ZNF680: variants seen among roughly 807,000 people sequenced by gnomAD.
ZNF680 encodes zinc finger protein 680, also known as hypothetical protein FLJ90430.
ZNF680 carries 6 observed loss-of-function variants against 12.1 expected under a neutral mutation model. That is an observed-to-expected ratio of 0.49 (90% CI 0.27 to 0.98). The LOEUF is 0.98. Among genes scored for constraint, ZNF680 ranks in the 50% least tolerant of loss-of-function variants. ZNF680 has a pLI of 0.12. For synonymous variants in ZNF680, 170 were observed against 199.3 expected (o/e 0.85, Z 1.24); for missense variants, 561 against 616.3 (o/e 0.91, Z 0.95).
the ZNF680 span, among the ~76,000 whole-genome samples, chr7:64,508,803 C>A: frequency 6.6e-6 from 1 of 152,114 alleles, no homozygotes; most frequent in Non-Finnish European, 1.5e-5. Flanking sequence ...GCCTCCTATC[C>A]CTTCTTTGTA....
At chr7:64,555,510 G>A (rs1787361493) in intron 1 of ZNF680, among the ~76,000 whole-genome samples, 1 of 151,914 alleles carries the variant, frequency 6.6e-6, no homozygotes, top group South Asian at 2.1e-4. Flanking sequence ...CTAAGGCAGT[G>A]TTAAAGAGAA....
chr7:64,526,312 T>G, intron 3 of ZNF680: 1 of 1,183,546 alleles, frequency 8.4e-7, no homozygotes, highest in South Asian at 4.1e-5. Flanking sequence ...TTAGTGTACT[T>G]TAAAAACAGA....
At chr7:64,512,327 C>A in the ZNF680 span, among the ~76,000 whole-genome samples, 40 of 151,418 alleles carry the variant, frequency 2.6e-4, no homozygotes, top group Admixed American at 1.6e-3. Flanking sequence ...GTGGCGTGCG[C>A]CTGTAGTCCC....
the ZNF680 span, among the ~76,000 whole-genome samples, chr7:64,508,123 G>GTATGTGTATATATATATATATATA: frequency 8.5e-6 from 1 of 117,686 alleles, no homozygotes; most frequent in African/African-American, 4.2e-5. Flanking sequence ...ATTTTAAAAT[G>GTATGTGTATATATATATATATATA]TATATATATA....
At chr7:64,510,333 T>C in the ZNF680 span, among the ~76,000 whole-genome samples, 1 of 151,258 alleles carries the variant, frequency 6.6e-6, no homozygotes, top group East Asian at 2.0e-4. Context: ...AAAAACCAAA[T>C]AACGCACCCC....
the ZNF680 span, among the ~76,000 whole-genome samples, chr7:64,513,473 A>C: frequency 6.6e-6 from 1 of 152,252 alleles, no homozygotes; most frequent in African/African-American, 2.4e-5. Flanking sequence ...GGTTTTATTA[A>C]AGCACTAATC....
At chr7:64,537,010 C>T (rs1221151366) in intron 3 of ZNF680, among the ~76,000 whole-genome samples, 1 of 152,178 alleles carries the variant, frequency 6.6e-6, no homozygotes, top group South Asian at 2.1e-4. Flanking sequence ...GCTGAGGCTG[C>T]AGTGAGCCAA....
chr7:64,546,642 C>A (rs558605424), intron 1 of ZNF680, among the ~76,000 whole-genome samples: 1 of 152,240 alleles, frequency 6.6e-6, no homozygotes, highest in Admixed American at 6.5e-5. Context: ...ATTCAGGAGG[C>A]AGAGGCAGGA....
chr7:64,523,528 C>T (rs973554632), intron 3 of ZNF680, among the ~76,000 whole-genome samples: 2 of 151,994 alleles, frequency 1.3e-5, no homozygotes, highest in Non-Finnish European at 2.9e-5. Flanking sequence ...CTTTCTCTTT[C>T]AGAAAATTAT....
intron 1 of ZNF680, among the ~76,000 whole-genome samples, chr7:64,554,542 C>T (rs888339714): frequency 6.6e-6 from 1 of 152,018 alleles, no homozygotes; most frequent in African/African-American, 2.4e-5. Flanking sequence ...CGGTTTTTGT[C>T]GAATAGAAAA....
chr7:64,513,684 C>T, the ZNF680 span, among the ~76,000 whole-genome samples: 1 of 151,824 alleles, frequency 6.6e-6, no homozygotes, highest in Non-Finnish European at 1.5e-5. Flanking sequence ...CTCGCTCTGT[C>T]ACCCAGGCTG....
At chr7:64,554,171 G>C (rs974485279) in intron 1 of ZNF680, among the ~76,000 whole-genome samples, 1 of 151,624 alleles carries the variant, frequency 6.6e-6, no homozygotes, top group Non-Finnish European at 1.5e-5. Flanking sequence ...CATCGTCTGG[G>C]ATGTGGGGAG....
intron 1 of ZNF680, among the ~76,000 whole-genome samples, chr7:64,550,021 A>G (rs928029458): frequency 1.3e-5 from 2 of 152,194 alleles, no homozygotes; most frequent in African/African-American, 4.8e-5. Flanking sequence ...CAACATGAAT[A>G]TAAGTAGACA....
chr7:64,554,855 GGCA>G lies in ZNF680; in HGVS notation c.30+8067_30+8069del, dbSNP rs1263276638. Among the ~76,000 whole-genome samples the G allele has an allele frequency of 8.5e-5, 13 of 152,216 alleles. No individual in the cohort carries two copies. The South Asian group carries it at 2.5e-3, about 29-fold the overall frequency. On this transcript the variant is annotated intron_variant, in intron 1 of 3. Coordinates refer to ENST00000309683, the MANE Select transcript of ZNF680 (RefSeq NM_178558.5). ...ACCCAGGGACACAAACACTGCGGAA[GGCA>G]GCGGGGCCCTCTGCCTAGGAAAACC...
At chr7:64,516,071 C>A (rs1791348323), downstream of ZNF680, among the ~76,000 whole-genome samples, 4 of 152,196 alleles carry the variant, frequency 2.6e-5, no homozygotes, top group Admixed American at 2.6e-4. Context: ...AAACTAAGCA[C>A]ATTTCTTTTT....
chr7:64,519,067 G>A (rs1323538373), downstream of ZNF680, among the ~76,000 whole-genome samples: 1 of 151,950 alleles, frequency 6.6e-6, no homozygotes, highest in East Asian at 1.9e-4. Flanking sequence ...CACAGAGTGA[G>A]ATAAAATATT....
intron 1 of ZNF680, among the ~76,000 whole-genome samples, chr7:64,549,126 AG>A (rs1447705358): frequency 5.9e-5 from 9 of 151,442 alleles, no homozygotes; most frequent in African/African-American, 1.2e-4. Flanking sequence ...CCTCAAAAAA[AG>A]AAAAAAAAAA....
chr7:64,555,258 A>G (rs1406433951), intron 1 of ZNF680, among the ~76,000 whole-genome samples: 1 of 152,130 alleles, frequency 6.6e-6, no homozygotes, highest in African/African-American at 2.4e-5. Flanking sequence ...TGACCACACA[A>G]TCAGAAATAA....
At chr7:64,523,129 A>G (rs1584348778) in intron 3 of ZNF680, among the ~76,000 whole-genome samples, 1 of 152,230 alleles carries the variant, frequency 6.6e-6, no homozygotes, top group Admixed American at 6.5e-5. Context: ...CCTTAACATT[A>G]TTATAATGGT....
Sources: gnomAD v4.1 joint callset for allele counts (sites outside exome capture counted in the v4.1 genomes callset) on GRCh38, gnomAD v4.1.1 for gene constraint, MANE v1.5 for transcripts, NCBI Gene and HGNC (gene_info 2026-07-23, HGNC 2026-07-21) for gene names.